Variants in TGM7 observed in about 807,000 individuals in gnomAD.
TGM7 encodes the protein transglutaminase 7.
A neutral mutation model predicts 79.5 loss-of-function variants in TGM7; 74 were observed. The ratio of observed to expected loss-of-function variants is 0.93; its 90% CI spans 0.77 to 1.13. The LOEUF (loss-of-function observed/expected upper bound fraction) is 1.13. Ranked by LOEUF, TGM7 falls within the 50% of genes most tolerant of loss-of-function variation. The pLI, the probability that TGM7 is intolerant of heterozygous loss-of-function variation, is 0.00. For missense variants in TGM7, 912 were observed against 905.9 expected (o/e 1.01, Z -0.09); for synonymous variants, 354 against 362.5 (o/e 0.98, Z 0.27).
chr15:43,297,249 T>C (rs1408511866), intron 1 of TGM7, among the ~76,000 whole-genome samples: 3 of 151,238 alleles, frequency 2.0e-5, no homozygotes, highest in South Asian at 2.1e-4. Flanking sequence ...AGCTCAGGAG[T>C]TCGAGACCAG....
chr15:43,285,057 G>A (rs144143692), intron 6 of TGM7, 105 bp from the exon 7 acceptor site: 561 of 1,351,000 alleles, frequency 4.2e-4, no homozygotes, highest in Non-Finnish European at 5.3e-4. Context: ...AAGCCAAGAC[G>A]CTTACGGAAC....
rs2042876587 is a variant in TGM7 at position 43,276,290 on chromosome 15, C to T, written c.*165G>A. On this transcript the variant is annotated 3_prime_UTR_variant, in exon 13 of 13. Transcript: ENST00000452443. Reference sequence around the variant, plus strand: ...TGAGAATGCTGGTGATAAATAAAGACATCTTTATTGTCTCTTCCCAAAGCA... The same window carrying T: ...TGAGAATGCTGGTGATAAATAAAGATATCTTTATTGTCTCTTCCCAAAGCA... 3.7e-6 allele frequency: 3 copies of T among 815,078 alleles called. No individual in the cohort carries two copies. Among genetic ancestry groups the T allele is most frequent in the Admixed American group, 2.8e-5 (1 of 35,104 alleles). The allele number at this position is 815,078 out of a possible 1,614,324, so 50.5% of individuals were successfully genotyped here.
In TGM7 at chr15:43,276,869, C is replaced by T. The variant is rs1261830948; in HGVS notation, c.1966G>A (p.Ala656Thr). ...EGSGLINGQIAKDLGTLVAGH... is the reference protein window; with the variant it reads ...EGSGLINGQITKDLGTLVAGH... The stretch of plus-strand genomic sequence containing the variant: ...GGCAGAAGCGTCACTTACTCCTTTG[C>T]TATCTGCCCATTGATGAGGCCGCTT... Residue 656 changes from alanine to threonine, a missense_variant, in exon 12 of 13, where the codon GCA (alanine) becomes ACA (threonine). Physicochemically the swap from Ala to Thr is moderately conservative, Grantham distance 58 (BLOSUM62 0). Coordinates refer to ENST00000452443, the MANE Select transcript of TGM7 (RefSeq NM_052955.3). 6.2e-7 allele frequency: 1 copy of T among 1,614,036 alleles called. No individual in the cohort carries two copies.
chr15:43,282,152 G>A, intron 8 of TGM7, 66 bp from the exon 9 acceptor site: 1 of 1,590,772 alleles, frequency 6.3e-7, no homozygotes, highest in South Asian at 1.1e-5. Context: ...GGGAGGTGGA[G>A]ATGGGATAGG....
At chr15:43,277,458 G>A (rs1462986063) in intron 11 of TGM7, among the ~76,000 whole-genome samples, 2 of 152,202 alleles carry the variant, frequency 1.3e-5, no homozygotes, top group Non-Finnish European at 2.9e-5. Flanking sequence ...TCATCACCGA[G>A]GAAACAGTGA....
At chr15:43,288,785 C>A (rs1003609929) in intron 4 of TGM7, among the ~76,000 whole-genome samples, 4 of 152,078 alleles carry the variant, frequency 2.6e-5, no homozygotes, top group Admixed American at 2.6e-4. Context: ...CAAAAATTAG[C>A]CGGGCATTAT....
chr15:43,295,191 C>T (rs749455671), intron 1 of TGM7, among the ~76,000 whole-genome samples: 34 of 152,248 alleles, frequency 2.2e-4, no homozygotes, highest in Non-Finnish European at 4.0e-4. Context: ...TTCCAGTCTT[C>T]ATCTAAGTAA....
intron 6 of TGM7, among the ~76,000 whole-genome samples, chr15:43,285,971 A>G: frequency 6.6e-6 from 1 of 152,160 alleles, no homozygotes; most frequent in East Asian, 1.9e-4. Context: ...TGGTAAGTTC[A>G]GAGAGGTTTA....
rs1309214987 is a variant in TGM7 at position 43,284,812 on chromosome 15, ACCATATTTTGTCTCG to A, written c.991_1004+1del. 6.2e-7 allele frequency: 1 copy of A among 1,614,000 alleles called. No homozygotes were observed. Among genetic ancestry groups the A allele is most frequent in the Admixed American group, 1.7e-5 (1 of 60,002 alleles). ...AGATCTGTTCAAGACAGTGCCTCTC[ACCATATTTTGTCTCG>A]TTTCTGAGTTGACAGCATCTCGGCA... On this transcript the variant is annotated splice_donor_variant and coding_sequence_variant, in exon 7 of 13. Coordinates refer to ENST00000452443, the MANE Select transcript of TGM7 (RefSeq NM_052955.3). LOFTEE classifies it high-confidence loss of function.
chr15:43,287,139 A>G, intron 6 of TGM7, 141 bp downstream of exon 6: 1 of 887,126 alleles, frequency 1.1e-6, no homozygotes, highest in Non-Finnish European at 1.7e-6. Flanking sequence ...TCGAGACTGT[A>G]TGGTGTGCTA....
intron 3 of TGM7, 91 bp downstream of exon 3, chr15:43,292,618 T>C (rs2042969028): frequency 1.3e-6 from 2 of 1,511,768 alleles, no homozygotes; most frequent in African/African-American, 1.4e-5. Flanking sequence ...CATAGCTATG[T>C]GGCGATTTAT....
intron 1 of TGM7, among the ~76,000 whole-genome samples, chr15:43,297,266 A>G (rs1244521345): frequency 6.6e-6 from 1 of 152,086 alleles, no homozygotes; most frequent in Non-Finnish European, 1.5e-5. Context: ...CCAGCTGACC[A>G]ACATGGTGAA....
intron 6 of TGM7, among the ~76,000 whole-genome samples, chr15:43,286,251 C>T (rs1214564776): frequency 4.6e-5 from 7 of 152,150 alleles, no homozygotes; most frequent in African/African-American, 7.2e-5. Context: ...TCCCCCAGTG[C>T]GCAGTGGCCC....
intron 6 of TGM7, 48 bp downstream of exon 6, chr15:43,287,232 C>G: frequency 1.9e-6 from 3 of 1,571,774 alleles, no homozygotes; most frequent in Non-Finnish European, 2.6e-6. Flanking sequence ...GTTAACTTCT[C>G]TGATAATGAA....
chr15:43,279,159 G>T lies in TGM7; in HGVS notation c.1797C>A (p.Val599=). Residue 599 remains valine (V), a synonymous_variant, in exon 11 of 13, where the codon GTC becomes GTA. Transcript: ENST00000452443. ...EVEETGRSML[V]LKDICLEPPH... Reference sequence around the variant, plus strand: ...GAGGCTCCAGACAGATATCTTTTAGGACCAGCATGGACCTCCCTGTCTCTT... The same window carrying T: ...GAGGCTCCAGACAGATATCTTTTAGTACCAGCATGGACCTCCCTGTCTCTT... The T allele has an allele frequency of 6.2e-7, 1 of 1,614,090 alleles. No individual in the cohort carries two copies. The highest frequency in any genetic ancestry group is 8.5e-7 in the Non-Finnish European group (1 of 1,180,000).
At chr15:43,285,007 T>G in intron 6 of TGM7, 55 bp from the exon 7 acceptor site, 1 of 1,601,498 alleles carries the variant, frequency 6.2e-7, no homozygotes, top group South Asian at 1.1e-5. Flanking sequence ...AATTATTGGT[T>G]TTCCATGCAT....
At chr15:43,287,053 C>T (rs2042938928) in intron 6 of TGM7, among the ~76,000 whole-genome samples, 1 of 152,224 alleles carries the variant, frequency 6.6e-6, no homozygotes, top group Non-Finnish European at 1.5e-5. Context: ...TTTTAACAGT[C>T]TGACTGATCC....
At chr15:43,287,253 C>A in intron 6 of TGM7, 27 bp downstream of exon 6, 2 of 1,605,080 alleles carry the variant, frequency 1.2e-6, no homozygotes, top group South Asian at 1.1e-5. Flanking sequence ...GTTAATCACA[C>A]CCCTAAGTGA....
intron 9 of TGM7, among the ~76,000 whole-genome samples, chr15:43,280,662 G>T (rs2042903294): frequency 6.6e-6 from 1 of 152,156 alleles, no homozygotes; most frequent in Non-Finnish European, 1.5e-5. Flanking sequence ...GCCCATGGGG[G>T]CTACTTAACA....
Sources: allele counts gnomAD v4.1 joint callset (sites outside exome capture counted in the v4.1 genomes callset), GRCh38; gene constraint gnomAD v4.1.1; transcripts MANE v1.5; gene names NCBI Gene and HGNC (gene_info 2026-07-23, HGNC 2026-07-21).